The following DLG2 variants were observed in gnomAD, a reference collection of about 807,000 sequenced individuals.
The protein encoded by DLG2 is disks large homolog 2.
Under a neutral mutation model 132.5 loss-of-function variants are expected in DLG2, and 45 were observed. That is an observed-to-expected ratio of 0.34 (90% confidence interval 0.27 to 0.44). The LOEUF is 0.44. DLG2 is among the 20% of genes least tolerant of loss of function. DLG2 has a pLI of 1.00. For synonymous variants in DLG2, 424 were observed against 419.6 expected (o/e 1.01, Z -0.13); for missense variants, 1,045 against 1,196.9 (o/e 0.87, Z 1.87).
intron 4 of DLG2, among the ~76,000 whole-genome samples, chr11:85,221,109 C>A (rs1031033984): frequency 1.3e-5 from 2 of 151,008 alleles, no homozygotes; most frequent in African/African-American, 4.9e-5. Context: ...GTGGTGTGAT[C>A]CCAGCTCACT....
chr11:84,987,430 T>C (rs1238711246), intron 6 of DLG2, among the ~76,000 whole-genome samples: 5 of 151,872 alleles, frequency 3.3e-5, no homozygotes, highest in Admixed American at 2.6e-4. Context: ...TTAAAATTAA[T>C]ATGGAAGCAA....
chr11:84,207,596 T>C (rs1055554113), intron 8 of DLG2, among the ~76,000 whole-genome samples: 5 of 152,126 alleles, frequency 3.3e-5, no homozygotes, highest in African/African-American at 9.7e-5. Flanking sequence ...ATTGGAAAAA[T>C]TGAACCTTGA....
intron 18 of DLG2, among the ~76,000 whole-genome samples, chr11:83,670,088 T>C (rs2076584076): frequency 6.6e-6 from 1 of 152,344 alleles, no homozygotes; most frequent in East Asian, 1.9e-4. Context: ...AACCAGCTTA[T>C]CCAGCTGAGG....
intron 6 of DLG2, among the ~76,000 whole-genome samples, chr11:84,714,550 T>C (rs1477935136): frequency 1.5e-5 from 1 of 66,646 alleles, no homozygotes; most frequent in Non-Finnish European, 2.4e-5. Flanking sequence ...TCTTTCTCTT[T>C]CTCTCTCTTT....
At chr11:84,702,322 C>G (rs558152905) in intron 6 of DLG2, among the ~76,000 whole-genome samples, 4 of 151,738 alleles carry the variant, frequency 2.6e-5, no homozygotes, top group African/African-American at 7.2e-5. Context: ...CAGCTTTACT[C>G]TAATGTACTT....
At chr11:84,803,661 T>C (rs2075678565) in intron 6 of DLG2, among the ~76,000 whole-genome samples, 1 of 152,224 alleles carries the variant, frequency 6.6e-6, no homozygotes. Flanking sequence ...GATATAAATG[T>C]GCCTTTAGGT....
chr11:83,944,086 T>G (rs1047798275), intron 14 of DLG2, among the ~76,000 whole-genome samples: 5 of 152,148 alleles, frequency 3.3e-5, no homozygotes, highest in Non-Finnish European at 7.3e-5. Context: ...TTGACATAAA[T>G]TCTTCCCTCA....
intron 11 of DLG2, among the ~76,000 whole-genome samples, chr11:83,982,650 T>A (rs904127317): frequency 9.2e-5 from 14 of 152,106 alleles, no homozygotes; most frequent in Non-Finnish European, 1.0e-4. Flanking sequence ...TGAAACTTTT[T>A]AAAAATAAAC....
chr11:84,366,752 G>C (rs1209060060), intron 7 of DLG2, among the ~76,000 whole-genome samples: 1 of 152,134 alleles, frequency 6.6e-6, no homozygotes, highest in Admixed American at 6.6e-5. Flanking sequence ...AATTCAACAA[G>C]AAGAGCTAAC....
intron 11 of DLG2, among the ~76,000 whole-genome samples, chr11:84,058,621 A>G (rs1218151244): frequency 1.3e-5 from 2 of 151,334 alleles, no homozygotes; most frequent in Non-Finnish European, 1.5e-5. Context: ...CAGGAGCTTG[A>G]GGCTTCAATG....
chr11:84,609,142 G>A (rs1424308744), intron 6 of DLG2, among the ~76,000 whole-genome samples: 1 of 152,126 alleles, frequency 6.6e-6, no homozygotes, highest in Non-Finnish European at 1.5e-5. Flanking sequence ...GCATTGGAGT[G>A]GTTTAGAATG....
intron 6 of DLG2, among the ~76,000 whole-genome samples, chr11:84,774,528 G>C (rs1297573574): frequency 2.0e-5 from 3 of 152,038 alleles, no homozygotes; most frequent in African/African-American, 7.2e-5. Flanking sequence ...TTAAAGCATT[G>C]CATCACCTGA....
At chr11:84,983,160 T>A (rs1359654246) in intron 6 of DLG2, among the ~76,000 whole-genome samples, 1 of 152,148 alleles carries the variant, frequency 6.6e-6, no homozygotes, top group Admixed American at 6.5e-5. Context: ...TTGTGAACTT[T>A]TGTTCCAAAA....
chr11:83,733,745 C>T (rs948113146), intron 18 of DLG2, among the ~76,000 whole-genome samples: 1 of 152,118 alleles, frequency 6.6e-6, no homozygotes, highest in South Asian at 2.1e-4. Context: ...TCCAAATGTG[C>T]CTTTGCTCAT....
chr11:85,394,173 T>A (rs1305428938), intron 3 of DLG2, among the ~76,000 whole-genome samples: 1 of 152,214 alleles, frequency 6.6e-6, no homozygotes, highest in Non-Finnish European at 1.5e-5. Flanking sequence ...TAAATAACTA[T>A]AAGATGTATA....
chr11:84,909,153 T>A (rs2091837149), intron 6 of DLG2, among the ~76,000 whole-genome samples: 1 of 152,152 alleles, frequency 6.6e-6, no homozygotes, highest in Non-Finnish European at 1.5e-5. Context: ...AGCTAAATCT[T>A]TCCTAAATAG....
intron 21 of DLG2, among the ~76,000 whole-genome samples, chr11:83,518,222 G>A (rs11233653): frequency 0.35 from 53,740 of 152,020 alleles, 9,621 homozygotes; most frequent in Middle Eastern, 0.46. Flanking sequence ...TGGCAATGGC[G>A]GGAGCCCCTC....
At chr11:83,741,244 A>G (rs1482858537) in intron 18 of DLG2, among the ~76,000 whole-genome samples, 1 of 152,184 alleles carries the variant, frequency 6.6e-6, no homozygotes, top group East Asian at 1.9e-4. Context: ...GAACTGGAAC[A>G]AGACAAGGAT....
intron 4 of DLG2, among the ~76,000 whole-genome samples, chr11:85,178,727 A>T (rs1486185813): frequency 6.6e-6 from 1 of 152,000 alleles, no homozygotes; most frequent in Non-Finnish European, 1.5e-5. Context: ...TAGTCATTGC[A>T]ACAAAAATTA....
Sources: gnomAD v4.1 joint callset for allele counts (sites outside exome capture counted in the v4.1 genomes callset) on GRCh38, gnomAD v4.1.1 for gene constraint, MANE v1.5 for transcripts, NCBI Gene and HGNC (gene_info 2026-07-23, HGNC 2026-07-21) for gene names.